ZNF248: variants seen among roughly 807,000 people sequenced by gnomAD.
ZNF248 encodes KRAB protein domain.
ZNF248 carries 20 observed loss-of-function variants against 44.3 expected under a neutral mutation model. The observed-to-expected ratio is 0.45, with a 90% CI of 0.32 to 0.66. ZNF248 has a LOEUF of 0.66. Ranked by LOEUF, ZNF248 falls within the 30% of genes least tolerant of loss-of-function variation. The pLI, the probability that ZNF248 is intolerant of heterozygous loss-of-function variation, is 0.04. For synonymous variants in ZNF248, 224 were observed against 229.0 expected (o/e 0.98, Z 0.20); for missense variants, 654 against 677.0 (o/e 0.97, Z 0.38).
rs1309785048 is a variant in ZNF248, at chr10:37,856,300, G to C, written c.11C>G (p.Ser4Cys). 1 of 1,613,404 alleles carries C rather than the reference G, an allele frequency of 6.2e-7. No homozygotes were observed. The highest frequency in any genetic ancestry group is 1.7e-5 in the Admixed American group (1 of 59,960). ...ATAAAGAAACAAGAATCTCACCTGG[G>C]ATTTGTTCATTTTCCGCTCTTAGTG... The part of the protein sequence containing the change: MNK[S>C]QEQVSFKDVC... The change falls in exon 3 of 6, where the codon TCC (serine) becomes TGC (cysteine). Residue 4 changes from serine to cysteine, a missense_variant. By Grantham distance (112) the Ser-to-Cys change is moderately radical (BLOSUM62 -1). Transcript: ENST00000395867.
chr10:37,777,463 G>T (rs1779052), intron 6 of ZNF248, among the ~76,000 whole-genome samples: 1 of 150,978 alleles, frequency 6.6e-6, no homozygotes, highest in Non-Finnish European at 1.5e-5. Context: ...AGCCCAATGC[G>T]TCTCCAGAAT....
intron 3 of ZNF248, among the ~76,000 whole-genome samples, chr10:37,849,647 A>G (rs1423325027): frequency 6.6e-6 from 1 of 152,116 alleles, no homozygotes; most frequent in Non-Finnish European, 1.5e-5. Context: ...AGAGCACACC[A>G]CTGCACTCTA....
chr10:37,766,923 C>G, the ZNF248 span, among the ~76,000 whole-genome samples: 4 of 152,028 alleles, frequency 2.6e-5, no homozygotes, highest in African/African-American at 9.7e-5. Flanking sequence ...ACAGAGAAGT[C>G]CTTAAAGGAG....
intron 6 of ZNF248, among the ~76,000 whole-genome samples, chr10:37,807,878 ATTTT>A (rs2050815805): frequency 1.3e-5 from 2 of 152,070 alleles, no homozygotes; most frequent in Admixed American, 6.6e-5. Flanking sequence ...CCTTTTATTT[ATTTT>A]TTATTGCCTA....
chr10:37,842,352 T>A (rs2058487931), intron 3 of ZNF248, among the ~76,000 whole-genome samples: 1 of 152,104 alleles, frequency 6.6e-6, no homozygotes, highest in African/African-American at 2.4e-5. Context: ...TCGTCAGAAT[T>A]CTGAAAAGGT....
At chr10:37,824,503 G>A (rs937919381), downstream of ZNF248, among the ~76,000 whole-genome samples, 1 of 151,944 alleles carries the variant, frequency 6.6e-6, no homozygotes, top group Non-Finnish European at 1.5e-5. Flanking sequence ...GGGGTAAGTG[G>A]TTCTCTCTGT....
the ZNF248 span, among the ~76,000 whole-genome samples, chr10:37,759,273 G>A: frequency 5.9e-5 from 9 of 152,202 alleles, no homozygotes; most frequent in Non-Finnish European, 1.0e-4. Context: ...AGAGTTTTCT[G>A]AAGGTCTCAT....
the ZNF248 span, among the ~76,000 whole-genome samples, chr10:37,762,414 C>T: frequency 2.0e-5 from 3 of 152,110 alleles, no homozygotes; most frequent in Admixed American, 6.6e-5. Flanking sequence ...AGATCACACA[C>T]CTAATATGTA....
rs1474240448 is a variant in ZNF248, at chr10:37,820,727, C to T, written c.330+12298G>A. ...TTTATCACTCAAGGATCCCATGCTG[C>T]ACAAGCTCTGGTTGGAAGACTCACT... On this transcript the variant is annotated intron_variant, in intron 6 of 6. Transcript: ENST00000615949. The T allele has an allele frequency of 2.3e-6, 3 of 1,322,630 alleles. No individual in the cohort carries two copies. The East Asian group carries it at 6.9e-5, about 31-fold the overall frequency. 81.9% of individuals were successfully genotyped at this position (1,322,630 alleles called of 1,614,324 possible).
intron 4 of ZNF248, 115 bp from the exon 5 acceptor site, chr10:37,837,827 A>C: frequency 7.4e-7 from 1 of 1,352,178 alleles, no homozygotes; most frequent in African/African-American, 1.5e-5. Context: ...ATGTGCACAA[A>C]TGAACCAATC....
At chr10:37,814,537 G>A (rs915738885) in intron 6 of ZNF248, among the ~76,000 whole-genome samples, 1 of 152,084 alleles carries the variant, frequency 6.6e-6, no homozygotes, top group African/African-American at 2.4e-5. Context: ...CAACCTAAAG[G>A]ACTCTTTTCA....
the ZNF248 span, among the ~76,000 whole-genome samples, chr10:37,768,216 A>G: frequency 2.0e-5 from 3 of 152,318 alleles, no homozygotes; most frequent in Admixed American, 6.5e-5. Context: ...AGATAGATCA[A>G]TGAGACAGAA....
chr10:37,796,207 C>A, intron 6 of ZNF248: 1 of 150,958 alleles, frequency 6.6e-6, no homozygotes, highest in Non-Finnish European at 1.5e-5. Flanking sequence ...TCTCCAAACA[C>A]AAATCTTTAT....
chr10:37,826,157 T>C (rs528486246), downstream of ZNF248, among the ~76,000 whole-genome samples: 1 of 152,274 alleles, frequency 6.6e-6, no homozygotes, highest in Non-Finnish European at 1.5e-5. Context: ...GTTCACCATA[T>C]ATATTGTATT....
At chr10:37,833,348 TTATAAATATAACCTTCAAAA>T (rs1274274754) in intron 5 of ZNF248, among the ~76,000 whole-genome samples, 9 of 152,180 alleles carry the variant, frequency 5.9e-5, no homozygotes, top group Admixed American at 2.0e-4. Flanking sequence ...ATTTAACACT[TTATAAATATAACCTTCAAAA>T]CTGAAAAGAA....
chr10:37,768,161 C>A, the ZNF248 span, among the ~76,000 whole-genome samples: 1 of 152,074 alleles, frequency 6.6e-6, no homozygotes, highest in East Asian at 1.9e-4. Flanking sequence ...ACTTAGACTC[C>A]CACACAATAA....
chr10:37,812,713 C>T (rs979679245), intron 6 of ZNF248, among the ~76,000 whole-genome samples: 3 of 151,976 alleles, frequency 2.0e-5, no homozygotes, highest in African/African-American at 7.2e-5. Context: ...TGCCCCCAGA[C>T]AGTGTCTCTA....
In ZNF248 at chr10:37,832,471, T is replaced by C. The variant is rs200326266; in HGVS notation, c.884A>G (p.Asn295Ser). The change falls in exon 6 of 6, where the codon AAT (asparagine) becomes AGT (serine). Residue 295 changes from asparagine to serine, a missense_variant. Transcript: ENST00000395867. ...FGHQRALTKD[N>S]PYEYNEYGEI... ...CCCATATTCATTATATTCATAAGGA[T>C]TGTCCTTTGTAAGAGCTCTCTGATG... 32 of 1,613,990 alleles carry C rather than the reference T, an allele frequency of 2.0e-5. No homozygotes were observed. In the African/African-American group the frequency reaches 2.5e-4, roughly 13 times the overall value.
intron 3 of ZNF248, among the ~76,000 whole-genome samples, chr10:37,840,787 G>C (rs535635245): frequency 6.6e-6 from 1 of 151,682 alleles, no homozygotes; most frequent in Non-Finnish European, 1.5e-5. Context: ...CTCAAAAAAA[G>C]AAAAAAGAAA....
Sources: gnomAD v4.1 joint callset for allele counts (sites outside exome capture counted in the v4.1 genomes callset) on GRCh38, gnomAD v4.1.1 for gene constraint, MANE v1.5 for transcripts, NCBI Gene and HGNC (gene_info 2026-07-23, HGNC 2026-07-21) for gene names.